Variants in ITPRID1 observed in about 807,000 individuals in gnomAD.
The protein encoded by ITPRID1 is ITPR interacting domain containing 1.
ITPRID1 carries 96 observed loss-of-function variants against 95.4 expected under a neutral mutation model. That is an observed-to-expected ratio of 1.01 (90% CI 0.85 to 1.19). ITPRID1 has a LOEUF of 1.19. ITPRID1 is among the 50% of genes most tolerant of loss of function. ITPRID1 has a pLI of 0.00. For synonymous variants in ITPRID1, 510 were observed against 453.6 expected (o/e 1.12, Z -1.58); for missense variants, 1,339 against 1,252.9 (o/e 1.07, Z -1.04).
intron 5 of ITPRID1, among the ~76,000 whole-genome samples, chr7:31,564,580 A>G (rs1176324091): frequency 6.6e-6 from 1 of 152,142 alleles, no homozygotes. Flanking sequence ...TGTTGGCGGT[A>G]CAGGTACACA....
intron 12 of ITPRID1, among the ~76,000 whole-genome samples, chr7:31,648,537 C>T (rs1028591880): frequency 4.6e-5 from 7 of 152,152 alleles, no homozygotes; most frequent in African/African-American, 1.7e-4. Context: ...TCTCAGAGAG[C>T]AAACACTCCA....
At chr7:31,599,196 A>G (rs1786237871) in intron 10 of ITPRID1, among the ~76,000 whole-genome samples, 1 of 152,242 alleles carries the variant, frequency 6.6e-6, no homozygotes, top group South Asian at 2.1e-4. Flanking sequence ...GTTAAACATT[A>G]TGTATCGTAC....
chr7:31,590,021 C>T (rs1785793333), intron 10 of ITPRID1, among the ~76,000 whole-genome samples: 1 of 151,876 alleles, frequency 6.6e-6, no homozygotes, highest in Non-Finnish European at 1.5e-5. Context: ...TAGCAAAATG[C>T]TAACAAAAAT....
chr7:31,619,588 TAA>T (rs1787605967), intron 10 of ITPRID1, among the ~76,000 whole-genome samples: 2 of 152,116 alleles, frequency 1.3e-5, no homozygotes, highest in African/African-American at 4.8e-5. Flanking sequence ...AGTAAGTTTG[TAA>T]AGAGTGTTCT....
chr7:31,558,454 C>G (rs1055819429), intron 5 of ITPRID1, among the ~76,000 whole-genome samples: 3 of 152,126 alleles, frequency 2.0e-5, no homozygotes, highest in Non-Finnish European at 2.9e-5. Context: ...GAGTTCAATT[C>G]TTTTGATGTG....
At chr7:31,645,261 A>G (rs769053061) in intron 12 of ITPRID1, among the ~76,000 whole-genome samples, 4 of 152,228 alleles carry the variant, frequency 2.6e-5, no homozygotes, top group Non-Finnish European at 5.9e-5. Context: ...AAGATAAAGC[A>G]AATTACTACT....
intron 1 of ITPRID1, among the ~76,000 whole-genome samples, chr7:31,515,543 C>T (rs1001469494): frequency 1.9e-4 from 29 of 152,058 alleles, no homozygotes; most frequent in African/African-American, 6.5e-4. Flanking sequence ...CCATTGCATT[C>T]CAGCCTGGAC....
intron 1 of ITPRID1, among the ~76,000 whole-genome samples, chr7:31,522,136 A>G (rs2128127529): frequency 6.6e-6 from 1 of 152,192 alleles, no homozygotes; most frequent in African/African-American, 2.4e-5. Context: ...CTCATTACTG[A>G]GTATTAGGAA....
intron 5 of ITPRID1, among the ~76,000 whole-genome samples, chr7:31,563,915 T>C (rs1045765651): frequency 6.6e-6 from 1 of 152,160 alleles, no homozygotes; most frequent in Non-Finnish European, 1.5e-5. Flanking sequence ...CATAGATTAA[T>C]AATTTGCCAA....
intron 10 of ITPRID1, among the ~76,000 whole-genome samples, chr7:31,634,117 C>G (rs1218071982): frequency 6.6e-6 from 1 of 152,130 alleles, no homozygotes; most frequent in African/African-American, 2.4e-5. Context: ...GGTGATTATT[C>G]CCACAAAGTG....
At chr7:31,634,102 C>T (rs1204745988) in intron 10 of ITPRID1, among the ~76,000 whole-genome samples, 1 of 152,188 alleles carries the variant, frequency 6.6e-6, no homozygotes, top group Non-Finnish European at 1.5e-5. Context: ...GTAATGCTGC[C>T]ATCTGGTGAT....
At chr7:31,648,964 G>A (rs150740305) in intron 12 of ITPRID1, among the ~76,000 whole-genome samples, 3 of 152,248 alleles carry the variant, frequency 2.0e-5, no homozygotes, top group African/African-American at 7.2e-5. Flanking sequence ...GCCCTTCATG[G>A]TCTACAAGAT....
rs758532403 is a variant in ITPRID1 at position 31,577,906 on chromosome 7, C to A, written c.642C>A (p.Ala214=). 1.2e-6 allele frequency: 2 copies of A among 1,612,584 alleles called. No homozygotes were observed. Among genetic ancestry groups the A allele is most frequent in the Non-Finnish European group, 1.7e-6 (2 of 1,179,238 alleles). Residue 214 remains alanine (A), a synonymous_variant, in exon 9 of 15, where the codon GCC becomes GCA. Coordinates refer to ENST00000615280, the MANE Select transcript of ITPRID1 (RefSeq NM_001257967.3). ...AAATCCTGGACCATGTGACCAATGC[C>A]TTCTCATCTCTGCTGAGTGATGTCA... ...QLEILDHVTN[A]FSSLLSDVSI...
At chr7:31,520,588 A>G (rs1284324155) in intron 1 of ITPRID1, among the ~76,000 whole-genome samples, 6 of 147,714 alleles carry the variant, frequency 4.1e-5, no homozygotes, top group Non-Finnish European at 1.5e-5. Context: ...AGAGTTTGGC[A>G]CTTTTCTTAC....
intron 10 of ITPRID1, among the ~76,000 whole-genome samples, chr7:31,604,493 G>A: frequency 6.6e-6 from 1 of 152,202 alleles, no homozygotes; most frequent in Non-Finnish European, 1.5e-5. Flanking sequence ...TAGATTTACA[G>A]TTCAACAGAG....
At chr7:31,548,103 T>C (rs889731550) in intron 1 of ITPRID1, among the ~76,000 whole-genome samples, 2 of 151,964 alleles carry the variant, frequency 1.3e-5, no homozygotes, top group Admixed American at 6.6e-5. Flanking sequence ...ATGAGTAGAA[T>C]AGAGGTGATG....
At chr7:31,584,338 A>G (rs1291690801) in intron 10 of ITPRID1, among the ~76,000 whole-genome samples, 1 of 152,250 alleles carries the variant, frequency 6.6e-6, no homozygotes, top group Non-Finnish European at 1.5e-5. Flanking sequence ...CCTGCTGATT[A>G]CATAAATTCT....
At chr7:31,592,420 G>A (rs1472934541) in intron 10 of ITPRID1, among the ~76,000 whole-genome samples, 1 of 152,194 alleles carries the variant, frequency 6.6e-6, no homozygotes, top group Non-Finnish European at 1.5e-5. Flanking sequence ...AATCCCTTAT[G>A]TATCAGCTCT....
chr7:31,634,797 T>C (rs1789329411), intron 10 of ITPRID1, among the ~76,000 whole-genome samples: 1 of 152,160 alleles, frequency 6.6e-6, no homozygotes, highest in Non-Finnish European at 1.5e-5. Context: ...AAGATCTAGC[T>C]GGAGGAAAAG....
Sources: allele counts gnomAD v4.1 joint callset (sites outside exome capture counted in the v4.1 genomes callset), GRCh38; gene constraint gnomAD v4.1.1; transcripts MANE v1.5; gene names NCBI Gene and HGNC (gene_info 2026-07-23, HGNC 2026-07-21).